Variants in CACNA2D1 observed in about 807,000 individuals in gnomAD.
CACNA2D1 encodes the protein calcium voltage-gated channel auxiliary subunit alpha2delta 1.
In CACNA2D1, 53 loss-of-function variants were observed where a neutral mutation model predicts 171.5. The observed-to-expected ratio is 0.31, with a 90% CI of 0.25 to 0.39. The LOEUF (loss-of-function observed/expected upper bound fraction) is 0.39, where lower values mean the gene tolerates loss of function less well. Among genes scored for constraint, CACNA2D1 ranks in the 10% least tolerant of loss-of-function variants. The pLI is 1.00. For missense variants in CACNA2D1, 903 were observed against 1,299.8 expected (o/e 0.69, Z 4.69); for synonymous variants, 442 against 443.1 (o/e 1.00, Z 0.03).
intron 24 of CACNA2D1, among the ~76,000 whole-genome samples, chr7:81,982,067 A>C (rs766285694): frequency 5.9e-5 from 9 of 152,204 alleles, no homozygotes; most frequent in Non-Finnish European, 1.2e-4. Context: ...TTTGTTCTAC[A>C]AGAGCAAAGC....
chr7:82,023,836 A>C (rs1427852760), intron 12 of CACNA2D1: 4 of 151,592 alleles, frequency 2.6e-5, no homozygotes, highest in Non-Finnish European at 5.9e-5. Context: ...CCTTCTCCCC[A>C]CTTCAGGCAA....
chr7:82,019,230 G>A (rs768988578), intron 12 of CACNA2D1, among the ~76,000 whole-genome samples: 3 of 152,068 alleles, frequency 2.0e-5, no homozygotes, highest in Non-Finnish European at 4.4e-5. Context: ...TGAGGCAGGA[G>A]AATTACTTGA....
At chr7:82,218,205 A>AT (rs1462339087) in intron 3 of CACNA2D1, among the ~76,000 whole-genome samples, 12 of 152,130 alleles carry the variant, frequency 7.9e-5, no homozygotes, top group Non-Finnish European at 1.3e-4. Flanking sequence ...AAGTGCTGGG[A>AT]TTACAGGTGT....
chr7:81,954,833 T>C (rs992814757), intron 38 of CACNA2D1, among the ~76,000 whole-genome samples: 10 of 152,140 alleles, frequency 6.6e-5, no homozygotes, highest in Admixed American at 6.6e-4. Flanking sequence ...AATCTATATT[T>C]AAAAATTTTT....
intron 19 of CACNA2D1, among the ~76,000 whole-genome samples, chr7:81,996,047 A>G (rs529543425): frequency 3.3e-4 from 50 of 152,326 alleles, no homozygotes; most frequent in African/African-American, 1.1e-3. Flanking sequence ...GAAGGAGTAG[A>G]TAACAGCTTC....
chr7:82,216,009 C>G (rs1273365717), intron 3 of CACNA2D1, among the ~76,000 whole-genome samples: 11 of 152,120 alleles, frequency 7.2e-5, no homozygotes, highest in Admixed American at 7.2e-4. Flanking sequence ...ATAATCTTAA[C>G]TAGTCAAAAA....
chr7:82,128,984 T>C (rs1318757309), intron 5 of CACNA2D1, among the ~76,000 whole-genome samples: 1 of 152,132 alleles, frequency 6.6e-6, no homozygotes, highest in Admixed American at 6.5e-5. Context: ...TATCCAAAGG[T>C]ATTCAAATTC....
At chr7:82,028,559 A>G (rs1335204660) in intron 12 of CACNA2D1, 2 of 151,832 alleles carry the variant, frequency 1.3e-5, no homozygotes, top group Admixed American at 6.6e-5. Context: ...GATCTGGGAA[A>G]ACCCAACTGA....
At chr7:82,118,699 T>G (rs569313007) in intron 5 of CACNA2D1, among the ~76,000 whole-genome samples, 1 of 152,218 alleles carries the variant, frequency 6.6e-6, no homozygotes, top group South Asian at 2.1e-4. Flanking sequence ...AGTTTTAAAT[T>G]CATCTTATGG....
chr7:82,103,672 T>TATATAA (rs1392254151), intron 6 of CACNA2D1, among the ~76,000 whole-genome samples: 1 of 152,056 alleles, frequency 6.6e-6, no homozygotes, highest in Admixed American at 6.6e-5. Context: ...TGTATATACA[T>TATATAA]ATTCAGATTT....
intron 10 of CACNA2D1, among the ~76,000 whole-genome samples, chr7:82,041,318 GAC>G (rs1446197344): frequency 7.9e-5 from 12 of 152,140 alleles, no homozygotes; most frequent in African/African-American, 2.9e-4. Flanking sequence ...GGATCCAGGT[GAC>G]ACACAGAGGA....
intron 3 of CACNA2D1, among the ~76,000 whole-genome samples, chr7:82,266,629 G>A (rs1050892452): frequency 1.3e-5 from 2 of 151,848 alleles, no homozygotes; most frequent in Admixed American, 6.6e-5. Flanking sequence ...CTATTCTCCT[G>A]CCTCAGCCTC....
At chr7:82,044,253 T>A (rs984553641) in intron 10 of CACNA2D1, among the ~76,000 whole-genome samples, 1 of 152,180 alleles carries the variant, frequency 6.6e-6, no homozygotes, top group Non-Finnish European at 1.5e-5. Context: ...GGATTCTAAA[T>A]GTTTAAAGGC....
chr7:81,959,491 G>C lies in CACNA2D1; in HGVS notation c.3077-134C>G, dbSNP rs573302734. 5.1e-4 allele frequency: 395 copies of C among 775,850 alleles called. 4 individuals carry two copies. In the South Asian group the frequency reaches 5.6e-3, roughly 11 times the overall value. The allele number at this position is 775,850 out of a possible 1,614,324, so 48.1% of individuals were successfully genotyped here. A position where few individuals can be genotyped will look rare whatever the true frequency, so the allele number is the denominator to read the frequency against. On this transcript the variant is annotated intron_variant, in intron 37 of 38. Coordinates refer to ENST00000356860, the MANE Select transcript of CACNA2D1 (RefSeq NM_000722.4). Reference sequence around the variant, plus strand: ...ATTACTCTCATCCAACACAATTCAAGTACATAGGGATTTAAAGAACTAAAT... The same window carrying C: ...ATTACTCTCATCCAACACAATTCAACTACATAGGGATTTAAAGAACTAAAT...
chr7:82,189,766 A>G (rs1026947536), intron 3 of CACNA2D1, among the ~76,000 whole-genome samples: 1 of 151,928 alleles, frequency 6.6e-6, no homozygotes, highest in Non-Finnish European at 1.5e-5. Context: ...AAATTTGTGT[A>G]AGAAAAATTT....
At chr7:82,063,758 C>T (rs1420291234) in intron 9 of CACNA2D1, among the ~76,000 whole-genome samples, 2 of 152,076 alleles carry the variant, frequency 1.3e-5, no homozygotes, top group African/African-American at 2.4e-5. Context: ...CACTTGCAAA[C>T]ATACACATAT....
At chr7:82,182,958 A>G (rs1199512585) in intron 3 of CACNA2D1, among the ~76,000 whole-genome samples, 4 of 151,774 alleles carry the variant, frequency 2.6e-5, no homozygotes, top group Non-Finnish European at 4.4e-5. Context: ...AATCACGTGA[A>G]CCTGGGAGGC....
intron 18 of CACNA2D1, chr7:82,001,712 T>TA (rs1452248920): frequency 8.1e-7 from 1 of 1,229,508 alleles, no homozygotes; most frequent in Non-Finnish European, 1.1e-6. Flanking sequence ...CCTACACCAA[T>TA]AGGCTGAAGC....
At chr7:82,415,109 T>C (rs1828036415) in intron 1 of CACNA2D1, among the ~76,000 whole-genome samples, 1 of 152,168 alleles carries the variant, frequency 6.6e-6, no homozygotes, top group East Asian at 1.9e-4. Context: ...CATTACACAT[T>C]TTCCAAACCT....
Sources: gnomAD v4.1 joint callset for allele counts (sites outside exome capture counted in the v4.1 genomes callset) on GRCh38, gnomAD v4.1.1 for gene constraint, MANE v1.5 for transcripts, NCBI Gene and HGNC (gene_info 2026-07-23, HGNC 2026-07-21) for gene names.